The following DLG2 variants were observed in gnomAD, a reference collection of about 807,000 sequenced individuals.
DLG2 encodes the protein discs large MAGUK scaffold protein 2.
In DLG2, 45 loss-of-function variants were observed where a neutral mutation model predicts 132.5. The observed-to-expected ratio is 0.34, with a 90% CI of 0.27 to 0.44. The LOEUF is 0.44. Ranked by LOEUF, DLG2 falls within the 20% of genes least tolerant of loss-of-function variation. The pLI is 1.00. For missense variants in DLG2, 1,045 were observed against 1,196.9 expected, an observed-to-expected ratio of 0.87 and a Z score of 1.87; for synonymous variants, 424 against 419.6, an observed-to-expected ratio of 1.01 and a Z score of -0.13.
chr11:85,522,129 G>A lies in DLG2; in HGVS notation c.40+76528C>T, dbSNP rs900256803. On this transcript the variant is annotated intron_variant, in intron 3 of 27. Coordinates refer to ENST00000376104, the MANE Select transcript of DLG2 (RefSeq NM_001142699.3). Reference sequence around the variant, plus strand: ...AATTGTTTCCTGGGTTGGGTCCAGGGCCCTCTTGCTGTATACAGTCTCAGG... The same window carrying A: ...AATTGTTTCCTGGGTTGGGTCCAGGACCCTCTTGCTGTATACAGTCTCAGG... Among the ~76,000 whole-genome samples the A allele has an allele frequency of 5.3e-5, 8 of 152,190 alleles. No individual in the cohort carries two copies. In the East Asian group the frequency reaches 1.6e-3, roughly 30 times the overall value.
At chr11:85,571,415 C>T (rs1425911333) in intron 3 of DLG2, among the ~76,000 whole-genome samples, 1 of 152,048 alleles carries the variant, frequency 6.6e-6, no homozygotes, top group Non-Finnish European at 1.5e-5. Flanking sequence ...ACAGAGATTT[C>T]CTTAACCATT....
intron 17 of DLG2, among the ~76,000 whole-genome samples, chr11:83,818,816 C>G (rs997925530): frequency 2.6e-5 from 4 of 151,764 alleles, no homozygotes; most frequent in Non-Finnish European, 5.9e-5. Flanking sequence ...TGAATATGAA[C>G]GTAAAAAGAC....
chr11:83,564,445 T>A (rs1181182432), intron 19 of DLG2, among the ~76,000 whole-genome samples: 1 of 152,192 alleles, frequency 6.6e-6, no homozygotes, highest in Non-Finnish European at 1.5e-5. Flanking sequence ...GGTTGCTACC[T>A]GTAAATTGGA....
chr11:84,184,240 G>T (rs1403274198), intron 8 of DLG2, among the ~76,000 whole-genome samples: 1 of 152,030 alleles, frequency 6.6e-6, no homozygotes, highest in African/African-American at 2.4e-5. Flanking sequence ...AGCACCTGTT[G>T]TTTCCTGACT....
intron 6 of DLG2, among the ~76,000 whole-genome samples, chr11:85,072,603 A>T (rs141555716): frequency 7.6e-4 from 116 of 151,970 alleles, no homozygotes; most frequent in African/African-American, 2.2e-3. Flanking sequence ...GCAGTCTATA[A>T]AACAGATTAC....
rs1591283214 is a variant in DLG2 at position 83,930,387 on chromosome 11, G to T, written c.1437C>A (p.Leu479=). ...YSPVECDKSF[L]LSAPYSHYHL... is the part of the protein sequence containing the mutation. ...GGTAGTGGGAATAGGGAGCTGAGAG[G>T]AGGAAGCTTTTGTCACACTCAACAG... The change falls in exon 15 of 28, where the codon CTC becomes CTA. Residue 479 remains leucine, a synonymous_variant. Coordinates refer to ENST00000376104, the MANE Select transcript of DLG2 (RefSeq NM_001142699.3). 2 of 1,614,008 alleles carry T rather than the reference G, an allele frequency of 1.2e-6. No homozygotes were observed. Among genetic ancestry groups the T allele is most frequent in the African/African-American group, 2.7e-5 (2 of 74,932 alleles).
intron 15 of DLG2, among the ~76,000 whole-genome samples, chr11:83,916,862 A>C (rs1205097399): frequency 1.3e-5 from 2 of 152,098 alleles, no homozygotes; most frequent in Non-Finnish European, 2.9e-5. Context: ...GAGAAAAAGC[A>C]CTACCACCTG....
chr11:84,204,169 C>T (rs1445209653), intron 8 of DLG2, among the ~76,000 whole-genome samples: 2 of 152,130 alleles, frequency 1.3e-5, no homozygotes, highest in Non-Finnish European at 2.9e-5. Flanking sequence ...GTTTGTCAGG[C>T]TGGTCTCGAA....
intron 3 of DLG2, among the ~76,000 whole-genome samples, chr11:85,395,413 G>T (rs941558522): frequency 2.5e-4 from 38 of 152,122 alleles, no homozygotes. Flanking sequence ...TTGGACAGTG[G>T]GTGCAGCCCA....
chr11:83,629,883 T>C (rs1024831012), intron 19 of DLG2, among the ~76,000 whole-genome samples: 4 of 152,198 alleles, frequency 2.6e-5, no homozygotes, highest in East Asian at 1.9e-4. Flanking sequence ...ATTTTATTCA[T>C]ATTTGTAACT....
chr11:84,777,281 G>GTGTATA lies in DLG2; in HGVS notation c.358-242551_358-242550insTATACA, dbSNP rs1218190517. Among the ~76,000 whole-genome samples, 179 of 94,952 alleles carry GTGTATA rather than the reference G, an allele frequency of 1.9e-3. 1 individual carries two copies. Among genetic ancestry groups the GTGTATA allele is most frequent in the Non-Finnish European group, 2.6e-3 (132 of 50,338 alleles). 62.3% of individuals were successfully genotyped at this position (94,952 alleles called of 152,430 possible). On this transcript the variant is annotated intron_variant, in intron 6 of 27. Transcript: ENST00000376104. Reference sequence around the variant, plus strand: ...TGTGTGTGTATGTATATGTGTGTGTGTATATATATATATATATATATATAT... The same window carrying GTGTATA: ...TGTGTGTGTATGTATATGTGTGTGTGTGTATATATATATATATATATATATATATAT...
rs950487388 is a variant in DLG2, at chr11:85,154,562, C to A, written c.276G>T (p.Thr92=). ...NQSFENETDE[T]TTQNQGRCPA... The stretch of plus-strand genomic sequence containing the variant: ...AAAACAGTATAACACTTACAGTTGT[C>A]GTCTCATCAGTTTCATTTTCAAAAC... Residue 92 remains threonine (T), a synonymous_variant, in exon 5 of 28, where the codon ACG becomes ACT. Transcript: ENST00000376104. The A allele has an allele frequency of 1.4e-6, 2 of 1,461,230 alleles. No individual in the cohort carries two copies. The highest frequency in any genetic ancestry group is 2.5e-5 in the South Asian group (2 of 80,784). 90.5% of individuals were successfully genotyped at this position (1,461,230 alleles called of 1,614,324 possible).
chr11:85,212,103 C>A (rs1328637101), intron 4 of DLG2, among the ~76,000 whole-genome samples: 1 of 152,090 alleles, frequency 6.6e-6, no homozygotes, highest in Non-Finnish European at 1.5e-5. Flanking sequence ...ACCTTATATC[C>A]ATATATCCCC....
At chr11:84,242,572 A>AT (rs2097245800) in intron 8 of DLG2, among the ~76,000 whole-genome samples, 1 of 151,812 alleles carries the variant, frequency 6.6e-6, no homozygotes, top group South Asian at 2.1e-4. Flanking sequence ...TGCCCGGCTA[A>AT]TTTTTGTATT....
At chr11:83,947,474 G>C (rs928056765) in intron 14 of DLG2, among the ~76,000 whole-genome samples, 24 of 152,138 alleles carry the variant, frequency 1.6e-4, no homozygotes, top group African/African-American at 4.8e-4. Flanking sequence ...TAGGCTAGCT[G>C]TAAGAGTGTT....
chr11:83,515,460 T>C (rs962647243), intron 21 of DLG2, among the ~76,000 whole-genome samples: 1 of 152,180 alleles, frequency 6.6e-6, no homozygotes, highest in Admixed American at 6.5e-5. Flanking sequence ...TTTGTTGATC[T>C]TTTCAAAAAA....
chr11:85,516,168 A>C (rs866131285), intron 3 of DLG2, among the ~76,000 whole-genome samples: 1 of 152,064 alleles, frequency 6.6e-6, no homozygotes, highest in Non-Finnish European at 1.5e-5. Context: ...ATATACAAAC[A>C]CATGAAAACT....
In DLG2 at chr11:83,833,823, C is replaced by T. The variant is rs191151252; in HGVS notation, c.1566-53G>A. The T allele has an allele frequency of 9.4e-5, 147 of 1,567,222 alleles. 1 individual carries two copies. The East Asian group carries it at 2.2e-3, about 23-fold the overall frequency. On this transcript the variant is annotated intron_variant, in intron 16 of 27. Coordinates refer to ENST00000376104, the MANE Select transcript of DLG2 (RefSeq NM_001142699.3). ...CAGAGGGTGATCCATTTAAGATTTA[C>T]GTTGCTTTTACTTTCAATGGGATAT...
In DLG2 at chr11:85,523,940, A is replaced by G. The variant is rs375994126; in HGVS notation, c.40+74717T>C. On this transcript the variant is annotated intron_variant, in intron 3 of 27. Transcript: ENST00000376104. ...GATCATGTCATTTGCACCAATATGG[A>G]TGGAGCTGGAGGTCATTACGTAAAG... Among the ~76,000 whole-genome samples the G allele has an allele frequency of 2.6e-5, 4 of 152,330 alleles. No homozygotes were observed. In the East Asian group the frequency reaches 7.7e-4, roughly 29 times the overall value.
Sources: gnomAD v4.1 joint callset for allele counts (sites outside exome capture counted in the v4.1 genomes callset) on GRCh38, gnomAD v4.1.1 for gene constraint, MANE v1.5 for transcripts, NCBI Gene and HGNC (gene_info 2026-07-23, HGNC 2026-07-21) for gene names.